Variants in FAF1 observed in about 807,000 individuals in gnomAD.
The protein encoded by FAF1 is Fas associated factor 1.
Under a neutral mutation model 92.5 loss-of-function variants are expected in FAF1, and 25 were observed. That is an observed-to-expected ratio of 0.27 (90% CI 0.20 to 0.38). The LOEUF is 0.38. Among genes scored for constraint, FAF1 ranks in the 10% least tolerant of loss-of-function variants. The pLI is 1.00. For synonymous variants in FAF1, 234 were observed against 273.2 expected (o/e 0.86, Z 1.42); for missense variants, 636 against 793.3 (o/e 0.80, Z 2.38).
intron 1 of FAF1, among the ~76,000 whole-genome samples, chr1:50,913,448 T>G (rs1352066427): frequency 6.6e-6 from 1 of 152,166 alleles, no homozygotes; most frequent in East Asian, 1.9e-4. Flanking sequence ...AATCTGAATC[T>G]AAAGCCACAA....
At chr1:50,691,218 A>C (rs1028243876) in intron 7 of FAF1, among the ~76,000 whole-genome samples, 1 of 151,912 alleles carries the variant, frequency 6.6e-6, no homozygotes, top group African/African-American at 2.4e-5. Context: ...ATTTCTCAAC[A>C]TCTTTGCCAA....
At chr1:50,791,429 G>A (rs888953896) in intron 3 of FAF1, among the ~76,000 whole-genome samples, 2 of 152,178 alleles carry the variant, frequency 1.3e-5, no homozygotes, top group Non-Finnish European at 2.9e-5. Context: ...ATGGTTTCCT[G>A]TTAGATTCTA....
At chr1:50,711,463 CTTTTTTTTTTTT>C (rs1160668174) in intron 6 of FAF1, among the ~76,000 whole-genome samples, 2 of 81,972 alleles carry the variant, frequency 2.4e-5, no homozygotes, top group East Asian at 3.1e-4. Flanking sequence ...TCCACACTGA[CTTTTTTTTTTTT>C]TTTTTTTTTT....
intron 18 of FAF1, among the ~76,000 whole-genome samples, chr1:50,445,567 A>T (rs1190161209): frequency 6.6e-6 from 1 of 152,240 alleles, no homozygotes; most frequent in Non-Finnish European, 1.5e-5. Context: ...GAATGGCAAT[A>T]GGTCAAGGGT....
intron 1 of FAF1, among the ~76,000 whole-genome samples, chr1:50,891,182 A>G (rs1326387330): frequency 6.6e-6 from 1 of 152,144 alleles, no homozygotes; most frequent in South Asian, 2.1e-4. Context: ...TGTGTCATGT[A>G]GTTCTTGTGC....
At chr1:50,657,285 G>A (rs1373962966) in intron 7 of FAF1, among the ~76,000 whole-genome samples, 1 of 151,124 alleles carries the variant, frequency 6.6e-6, no homozygotes, top group Admixed American at 6.6e-5. Context: ...CACAAATAAC[G>A]AATCATAATA....
rs1646155400 is a variant in FAF1 at position 50,440,296 on chromosome 1, A to G, written c.*1144T>C. 1.3e-5 allele frequency: 2 copies of G among 152,230 alleles called. No homozygotes were observed. Among genetic ancestry groups the G allele is most frequent in the Admixed American group, 1.3e-4 (2 of 15,284 alleles). The allele number at this position is 152,230 out of a possible 1,614,324, so 9.4% of individuals were successfully genotyped here. A position where few individuals can be genotyped will look rare whatever the true frequency, so the allele number is the denominator to read the frequency against. ...AGATTAAGAAAAATCCACACTTACT[A>G]AATCAAATCAAAAATTATTATATGC... On this transcript the variant is annotated 3_prime_UTR_variant, in exon 19 of 19. Transcript: ENST00000396153.
intron 2 of FAF1, among the ~76,000 whole-genome samples, chr1:50,825,447 G>C (rs1442837337): frequency 6.6e-6 from 1 of 151,722 alleles, no homozygotes; most frequent in Non-Finnish European, 1.5e-5. Flanking sequence ...CAAGAGGGAG[G>C]TCTTTTTCAT....
At chr1:50,888,988 T>C (rs1362030217) in intron 1 of FAF1, among the ~76,000 whole-genome samples, 1 of 152,222 alleles carries the variant, frequency 6.6e-6, no homozygotes, top group Non-Finnish European at 1.5e-5. Flanking sequence ...TGAATCCATC[T>C]GGTCCCGGAC....
chr1:50,831,805 C>CAAAAA (rs1157102526), intron 2 of FAF1, among the ~76,000 whole-genome samples: 3 of 81,708 alleles, frequency 3.7e-5, no homozygotes, highest in Non-Finnish European at 4.8e-5. Context: ...TTATCAGAGA[C>CAAAAA]AAAAAAAAAA....
chr1:50,954,697 C>A (rs1454784996), intron 1 of FAF1, among the ~76,000 whole-genome samples: 2 of 151,992 alleles, frequency 1.3e-5, no homozygotes. Context: ...AGCCACCATG[C>A]CCGGCTAATT....
chr1:50,695,304 A>T (rs1657146389), intron 7 of FAF1, among the ~76,000 whole-genome samples: 1 of 151,844 alleles, frequency 6.6e-6, no homozygotes, highest in African/African-American at 2.4e-5. Flanking sequence ...GCTACTCAGG[A>T]GGCTGAGGCA....
chr1:50,461,661 A>G (rs2148989034), intron 18 of FAF1, among the ~76,000 whole-genome samples: 1 of 152,298 alleles, frequency 6.6e-6, no homozygotes, highest in East Asian at 1.9e-4. Context: ...AAAACACCAT[A>G]AAGTAACTCA....
At chr1:50,860,712 A>T (rs569005683) in intron 1 of FAF1, among the ~76,000 whole-genome samples, 1 of 151,916 alleles carries the variant, frequency 6.6e-6, no homozygotes, top group African/African-American at 2.4e-5. Context: ...AACTTAAAAC[A>T]GCATTTAACT....
chr1:50,639,933 C>CAAAAAAAAAAAAAAAAAAA (rs1197342810), intron 8 of FAF1, among the ~76,000 whole-genome samples: 1 of 70,166 alleles, frequency 1.4e-5, no homozygotes, highest in African/African-American at 4.7e-5. Flanking sequence ...GACTCGATCT[C>CAAAAAAAAAAAAAAAAAAA]AAAAAAAAAA....
chr1:50,567,459 T>C (rs1258074454), intron 12 of FAF1, among the ~76,000 whole-genome samples: 2 of 152,118 alleles, frequency 1.3e-5, no homozygotes, highest in Admixed American at 6.5e-5. Flanking sequence ...TTCTGCAGAC[T>C]GCTATTGCAG....
chr1:50,614,248 T>G (rs1652805884), intron 8 of FAF1, among the ~76,000 whole-genome samples: 1 of 152,188 alleles, frequency 6.6e-6, no homozygotes. Context: ...GACTCATACC[T>G]GCAGCACTTA....
chr1:50,492,142 A>G (rs190662129), intron 15 of FAF1, among the ~76,000 whole-genome samples: 49 of 152,306 alleles, frequency 3.2e-4, no homozygotes, highest in African/African-American at 1.1e-3. Context: ...CAAACTATCT[A>G]GCAAAGGACC....
intron 18 of FAF1, among the ~76,000 whole-genome samples, chr1:50,457,458 TG>T (rs1193601784): frequency 5.9e-5 from 9 of 152,130 alleles, no homozygotes; most frequent in Non-Finnish European, 1.2e-4. Context: ...GTGTTTACAA[TG>T]GGGTTATTAT....
Sources: gnomAD v4.1 joint callset for allele counts (sites outside exome capture counted in the v4.1 genomes callset) on GRCh38, gnomAD v4.1.1 for gene constraint, MANE v1.5 for transcripts, NCBI Gene and HGNC (gene_info 2026-07-23, HGNC 2026-07-21) for gene names.